The following ZNF264 variants were observed in gnomAD, a reference collection of about 807,000 sequenced individuals.
ZNF264 encodes the protein zinc finger protein 264.
A neutral mutation model predicts 11.2 loss-of-function variants in ZNF264; 11 were observed. The ratio of observed to expected loss-of-function variants is 0.98; its 90% CI spans 0.62 to 1.63. The LOEUF (loss-of-function observed/expected upper bound fraction) is 1.63, where lower values mean the gene tolerates loss of function less well. Among genes scored for constraint, ZNF264 ranks in the 40% most tolerant of loss-of-function variants. ZNF264 has a pLI of 0.00. For synonymous variants in ZNF264, 309 were observed against 279.8 expected, an observed-to-expected ratio of 1.10 and a Z score of -1.04; for missense variants, 752 against 768.1, an observed-to-expected ratio of 0.98 and a Z score of 0.25.
chr19:57,196,376 C>T (rs2087211670), intron 2 of ZNF264, among the ~76,000 whole-genome samples: 1 of 151,958 alleles, frequency 6.6e-6, no homozygotes, highest in Admixed American at 6.5e-5. Context: ...TGAGGACAGA[C>T]CTCTGCCCTT....
chr19:57,207,977 T>TG (rs1456015662), intron 3 of ZNF264, among the ~76,000 whole-genome samples: 1 of 151,958 alleles, frequency 6.6e-6, no homozygotes, highest in African/African-American at 2.4e-5. Flanking sequence ...CCACCCGCCT[T>TG]GGCCTTCCAA....
At chr19:57,192,214 C>T (rs1227771980) in intron 1 of ZNF264, 5 of 501,912 alleles carry the variant, frequency 1.0e-5, no homozygotes, top group Non-Finnish European at 1.3e-5. Context: ...TGGACCAGGT[C>T]TCATTCCAGC....
At chr19:57,205,371 T>C in intron 2 of ZNF264, 26 bp from the exon 3 acceptor site, 1 of 1,588,650 alleles carries the variant, frequency 6.3e-7, no homozygotes, top group Non-Finnish European at 8.6e-7. Flanking sequence ...CACATCCATG[T>C]GTCCACTTGC....
chr19:57,196,768 C>T (rs1464360023), intron 2 of ZNF264, among the ~76,000 whole-genome samples: 1 of 151,960 alleles, frequency 6.6e-6, no homozygotes, highest in African/African-American at 2.4e-5. Flanking sequence ...TTTGACCACT[C>T]AGGTCCATCC....
At chr19:57,208,825 C>T (rs951729105) in intron 3 of ZNF264, among the ~76,000 whole-genome samples, 4 of 152,142 alleles carry the variant, frequency 2.6e-5, no homozygotes, top group African/African-American at 9.7e-5. Flanking sequence ...TCCGTTGACC[C>T]ATATCCTTTC....
chr19:57,195,958 A>G (rs572696245), intron 2 of ZNF264, among the ~76,000 whole-genome samples: 2 of 151,888 alleles, frequency 1.3e-5, no homozygotes, highest in South Asian at 4.1e-4. Flanking sequence ...TGCCATTTGC[A>G]CTTCCACCCC....
intron 2 of ZNF264, 155 bp downstream of exon 2, chr19:57,194,156 C>G: frequency 9.2e-7 from 1 of 1,082,242 alleles, no homozygotes; most frequent in Non-Finnish European, 1.3e-6. Flanking sequence ...CTCTTCCTAT[C>G]TGGTCTCCTA....
At chr19:57,192,196 T>C (rs2087178825) in intron 1 of ZNF264, 3 of 417,506 alleles carry the variant, frequency 7.2e-6, no homozygotes, top group South Asian at 1.0e-4. Flanking sequence ...CCTGCAAGCA[T>C]TCTCTGGTGG....
intron 3 of ZNF264, 101 bp downstream of exon 3, chr19:57,205,593 C>T (rs1480873060): frequency 9.7e-7 from 1 of 1,035,910 alleles, no homozygotes. Flanking sequence ...ATTGTGGCCT[C>T]TCTCTATATA....
In ZNF264 at chr19:57,212,335, A is replaced by T. The variant is rs1363208948; in HGVS notation, c.1238A>T (p.Tyr413Phe). 9.9e-6 allele frequency: 16 copies of T among 1,612,002 alleles called. No individual in the cohort carries two copies. The highest frequency in any genetic ancestry group is 1.4e-5 in the Non-Finnish European group (16 of 1,179,540). The change falls in exon 4 of 4, where the codon TAC (tyrosine) becomes TTC (phenylalanine). Residue 413 changes from tyrosine (Y) to phenylalanine (F), a missense_variant. By Grantham distance (22) the Tyr-to-Phe change is conservative. Transcript: ENST00000263095. ...ECGKAFNHRS[Y>F]LKRHQRIHTG... ...GGGAAGGCTTTCAACCACCGATCCT[A>T]CCTCAAGAGGCACCAGCGGATTCAC...
intron 2 of ZNF264, 105 bp downstream of exon 2, chr19:57,194,106 T>C: frequency 6.8e-7 from 1 of 1,465,940 alleles, no homozygotes; most frequent in Non-Finnish European, 9.1e-7. Context: ...AGAATCTACC[T>C]TGCCTCTTTC....
At position 57,211,070 on chromosome 19, in the gene ZNF264, C is replaced by T. The variant is rs572875448; in HGVS notation, c.257-284C>T. Among the ~76,000 whole-genome samples the T allele has an allele frequency of 1.4e-4, 22 of 152,156 alleles. No individual in the cohort carries two copies. The East Asian group carries it at 1.9e-3, about 13-fold the overall frequency. On this transcript the variant is annotated intron_variant, in intron 3 of 3. Transcript: ENST00000263095. ...ACAGGAAGCTTACCATGCACGGTGTCGTCGTTACTCTGTCTACCCAGGTCC... is the reference window on the plus strand; with the variant it reads ...ACAGGAAGCTTACCATGCACGGTGTTGTCGTTACTCTGTCTACCCAGGTCC...
Position 57,221,628 on chromosome 19 carries a change from T to C in ZNF264, c.*8647T>C, listed in dbSNP as rs56261789. On this transcript the variant is annotated 3_prime_UTR_variant, in exon 4 of 4. Coordinates refer to ENST00000263095, the MANE Select transcript of ZNF264 (RefSeq NM_003417.5). ...TTATTTAAGTTCCATCTGGTACTTATGACAACACATGCTATATGTCCACTG... is the reference window on the plus strand; with the variant it reads ...TTATTTAAGTTCCATCTGGTACTTACGACAACACATGCTATATGTCCACTG... The C allele has an allele frequency of 5.9e-5, 9 of 152,180 alleles. No homozygotes were observed. Among genetic ancestry groups the C allele is most frequent in the African/African-American group, 1.7e-4 (7 of 41,452 alleles). 9.4% of individuals were successfully genotyped at this position (152,180 alleles called of 1,614,324 possible).
intron 2 of ZNF264, among the ~76,000 whole-genome samples, chr19:57,200,979 T>G (rs2087249101): frequency 6.6e-6 from 1 of 151,934 alleles, no homozygotes; most frequent in Non-Finnish European, 1.5e-5. Context: ...TTACCATATA[T>G]GATTTGTTAT....
Position 57,191,803 on chromosome 19 carries a change from C to A in ZNF264, c.-111C>A. ...CCGTTGCCACCGAGGAGGCGGCGGCCCCGAGCGCGCCTGGAAGCCCCGGGC... is the reference window on the plus strand; with the variant it reads ...CCGTTGCCACCGAGGAGGCGGCGGCACCGAGCGCGCCTGGAAGCCCCGGGC... On this transcript the variant is annotated 5_prime_UTR_variant, in exon 1 of 4. Coordinates refer to ENST00000263095, the MANE Select transcript of ZNF264 (RefSeq NM_003417.5). 1 of 863,016 alleles carries A rather than the reference C, an allele frequency of 1.2e-6. No individual in the cohort carries two copies. The highest frequency in any genetic ancestry group is 1.5e-6 in the Non-Finnish European group (1 of 648,550). 53.5% of individuals were successfully genotyped at this position (863,016 alleles called of 1,614,324 possible).
chr19:57,197,011 A>G (rs1219473786), intron 2 of ZNF264, among the ~76,000 whole-genome samples: 1 of 151,960 alleles, frequency 6.6e-6, no homozygotes, highest in African/African-American at 2.4e-5. Context: ...AAGGGGCTGT[A>G]GTGCTGCAGC....
At chr19:57,195,066 G>T (rs988982307) in intron 2 of ZNF264, 1 of 361,718 alleles carries the variant, frequency 2.8e-6, no homozygotes, top group Non-Finnish European at 4.9e-6. Flanking sequence ...CACCTAGCTG[G>T]ACCTAGCTGT....
intron 2 of ZNF264, chr19:57,194,714 G>C (rs1313964876): frequency 2.6e-6 from 1 of 386,042 alleles, no homozygotes; most frequent in African/African-American, 2.2e-5. Context: ...CCCAGATTAA[G>C]GGGGGGGTCT....
intron 3 of ZNF264, among the ~76,000 whole-genome samples, chr19:57,210,526 G>A (rs753124454): frequency 3.3e-5 from 5 of 152,196 alleles, no homozygotes; most frequent in South Asian, 2.1e-4. Flanking sequence ...TCAGGAACTC[G>A]CTGTGCCCCA....
Sources: allele counts gnomAD v4.1 joint callset (sites outside exome capture counted in the v4.1 genomes callset), GRCh38; gene constraint gnomAD v4.1.1; transcripts MANE v1.5; gene names NCBI Gene and HGNC (gene_info 2026-07-23, HGNC 2026-07-21).